The following PTPRT variants were observed in gnomAD, a reference collection of about 807,000 sequenced individuals.
PTPRT encodes the protein receptor-type tyrosine-protein phosphatase T.
Under a neutral mutation model 176.8 loss-of-function variants are expected in PTPRT, and 56 were observed. That is an observed-to-expected ratio of 0.32 (90% CI 0.26 to 0.40). The LOEUF is 0.40. PTPRT is among the 10% of genes least tolerant of loss of function. The pLI is 1.00. For missense variants in PTPRT, 1,540 were observed against 1,908.2 expected (o/e 0.81, Z 3.60); for synonymous variants, 783 against 739.0 (o/e 1.06, Z -0.96).
At chr20:42,908,601 T>A (rs139373930) in intron 1 of PTPRT, among the ~76,000 whole-genome samples, 82 of 152,320 alleles carry the variant, frequency 5.4e-4, no homozygotes, top group African/African-American at 1.9e-3. Context: ...TCTAGCAGGT[T>A]AATATTTATT....
At position 43,007,426 on chromosome 20, in the gene PTPRT, G is replaced by A. The variant is rs189721238; in HGVS notation, c.89-121494C>T. Among the ~76,000 whole-genome samples, 757 of 152,236 alleles carry A rather than the reference G, an allele frequency of 5.0e-3. 9 individuals are homozygous for A. The highest frequency in any genetic ancestry group is 0.017 in the African/African-American group (699 of 41,544). Reference sequence around the variant, plus strand: ...TCTTTAGCCATTTTTGCCTTCATGCGTTATTTATCATTTCACTTTCAATAA... The same window carrying A: ...TCTTTAGCCATTTTTGCCTTCATGCATTATTTATCATTTCACTTTCAATAA... On this transcript the variant is annotated intron_variant, in intron 1 of 30. Coordinates refer to ENST00000373187, the MANE Select transcript of PTPRT (RefSeq NM_007050.6).
In PTPRT at chr20:43,043,923, CTCTG is replaced by C. The variant is rs1986733676; in HGVS notation, c.88+145719_88+145722del. Among the ~76,000 whole-genome samples, 14 of 152,206 alleles carry C rather than the reference CTCTG, an allele frequency of 9.2e-5. No homozygotes were observed. The South Asian group carries it at 2.9e-3, about 32-fold the overall frequency. On this transcript the variant is annotated intron_variant, in intron 1 of 30. Coordinates refer to ENST00000373187, the MANE Select transcript of PTPRT (RefSeq NM_007050.6). ...CAGATTCAGCGCTTCTTTCTCCTTCCTCTGTCTGCTTATCCCACCACAGAGAACA... is the reference window on the plus strand; with the variant it reads ...CAGATTCAGCGCTTCTTTCTCCTTCCTCTGCTTATCCCACCACAGAGAACA...
chr20:42,329,017 A>T (rs2057925904), intron 11 of PTPRT, among the ~76,000 whole-genome samples: 1 of 152,044 alleles, frequency 6.6e-6, no homozygotes, highest in African/African-American at 2.4e-5. Context: ...ACCAGCAAAA[A>T]CCAGTTAGCA....
chr20:42,993,508 ATG>A lies in PTPRT; in HGVS notation c.89-107578_89-107577del, dbSNP rs1267426969. 3.5e-5 allele frequency among the ~76,000 whole-genome samples: 4 copies of A among 112,998 alleles called. 1 individual carries two copies. The highest frequency in any genetic ancestry group is 1.3e-4 in the African/African-American group (3 of 23,550). 74.1% of individuals were successfully genotyped at this position (112,998 alleles called of 152,430 possible). A position where few individuals can be genotyped will look rare whatever the true frequency, so the allele number is the denominator to read the frequency against. On this transcript the variant is annotated intron_variant, in intron 1 of 30. Coordinates refer to ENST00000373187, the MANE Select transcript of PTPRT (RefSeq NM_007050.6). ...TGTGTGTGTATATATATACACATAT[ATG>A]TGTGTGTATATATATACACATATAT... is the stretch of plus-strand genomic sequence containing the variant.
chr20:43,113,899 C>T (rs183989149), intron 1 of PTPRT, among the ~76,000 whole-genome samples: 1 of 152,290 alleles, frequency 6.6e-6, no homozygotes, highest in Non-Finnish European at 1.5e-5. Flanking sequence ...ACTGGAGCCA[C>T]TACAGTACAA....
chr20:43,124,921 T>C (rs1322869610), intron 1 of PTPRT, among the ~76,000 whole-genome samples: 1 of 152,138 alleles, frequency 6.6e-6, no homozygotes, highest in Non-Finnish European at 1.5e-5. Context: ...ATTTTTGAGA[T>C]AAGCATTGTC....
At position 42,645,771 on chromosome 20, in the gene PTPRT, T is replaced by TGTGA. The variant is rs1251498875; in HGVS notation, c.1153+32094_1153+32095insTCAC. 5.8e-4 allele frequency among the ~76,000 whole-genome samples: 65 copies of TGTGA among 112,386 alleles called. 1 individual carries two copies. Among genetic ancestry groups the TGTGA allele is most frequent in the African/African-American group, 2.2e-3 (62 of 28,540 alleles). The allele number at this position is 112,386 out of a possible 152,430, so 73.7% of individuals were successfully genotyped here. A position where few individuals can be genotyped will look rare whatever the true frequency, so the allele number is the denominator to read the frequency against. ...CAGATGGGATGTGTATTTATGTGTG[T>TGTGA]GTGTGTGTGTGTGTGTGTGTGTGTG... On this transcript the variant is annotated intron_variant, in intron 7 of 30. Transcript: ENST00000373187.
At chr20:43,165,976 G>C (rs1414569894) in intron 1 of PTPRT, among the ~76,000 whole-genome samples, 2 of 151,878 alleles carry the variant, frequency 1.3e-5, no homozygotes, top group African/African-American at 4.8e-5. Context: ...GATCACCTGA[G>C]GTCGGGAGTT....
intron 16 of PTPRT, among the ~76,000 whole-genome samples, chr20:42,183,921 T>C (rs1288569280): frequency 2.0e-5 from 3 of 152,262 alleles, no homozygotes; most frequent in Admixed American, 2.0e-4. Context: ...ACAATTACCA[T>C]GAGTCTGTCC....
At chr20:42,499,256 C>T (rs1302061124) in intron 7 of PTPRT, among the ~76,000 whole-genome samples, 1 of 151,496 alleles carries the variant, frequency 6.6e-6, no homozygotes, top group Non-Finnish European at 1.5e-5. Context: ...GCAAATGGTG[C>T]CATGTACAGT....
At chr20:42,665,482 T>C (rs1220049271) in intron 7 of PTPRT, among the ~76,000 whole-genome samples, 1 of 152,064 alleles carries the variant, frequency 6.6e-6, no homozygotes, top group East Asian at 1.9e-4. Flanking sequence ...GGAACACTTT[T>C]ACACTGTTGG....
chr20:42,625,277 A>G (rs1411165580), intron 7 of PTPRT, among the ~76,000 whole-genome samples: 1 of 152,198 alleles, frequency 6.6e-6, no homozygotes, highest in Non-Finnish European at 1.5e-5. Context: ...TATTATGCAT[A>G]AACCAGAGAT....
chr20:42,391,199 G>A (rs1163357457), intron 9 of PTPRT, among the ~76,000 whole-genome samples: 1 of 152,080 alleles, frequency 6.6e-6, no homozygotes, highest in Non-Finnish European at 1.5e-5. Context: ...GTGAGTTCTG[G>A]GCTTGCTTGT....
At chr20:43,158,384 G>A (rs899658164) in intron 1 of PTPRT, among the ~76,000 whole-genome samples, 8 of 152,288 alleles carry the variant, frequency 5.3e-5, no homozygotes, top group Middle Eastern at 3.4e-3. Flanking sequence ...GAAATGCCAC[G>A]CAGTTAAATA....
the PTPRT span, among the ~76,000 whole-genome samples, chr20:42,044,617 A>G: frequency 6.6e-6 from 1 of 152,382 alleles, no homozygotes; most frequent in African/African-American, 2.4e-5. Context: ...GGCATTTATA[A>G]GTAAAATAAT....
At chr20:43,135,363 T>C (rs903144885) in intron 1 of PTPRT, among the ~76,000 whole-genome samples, 1 of 152,190 alleles carries the variant, frequency 6.6e-6, no homozygotes, top group African/African-American at 2.4e-5. Flanking sequence ...TGACAGATGT[T>C]CATGATAGTA....
chr20:42,045,658 T>TC, the PTPRT span, among the ~76,000 whole-genome samples: 1 of 151,296 alleles, frequency 6.6e-6, no homozygotes, highest in Non-Finnish European at 1.5e-5. Flanking sequence ...GAAAGTCCTT[T>TC]TTTTTTTCTT....
intron 2 of PTPRT, among the ~76,000 whole-genome samples, chr20:42,869,598 A>T (rs2078809569): frequency 6.6e-6 from 1 of 152,238 alleles, no homozygotes; most frequent in Non-Finnish European, 1.5e-5. Flanking sequence ...TTGATTTCAC[A>T]GGCACACAGC....
At chr20:42,140,782 C>T (rs1988586640) in intron 18 of PTPRT, among the ~76,000 whole-genome samples, 1 of 152,132 alleles carries the variant, frequency 6.6e-6, no homozygotes, top group South Asian at 2.1e-4. Context: ...CCCAGTGAAT[C>T]CTGGTTAATA....
Sources: gnomAD v4.1 joint callset for allele counts (sites outside exome capture counted in the v4.1 genomes callset) on GRCh38, gnomAD v4.1.1 for gene constraint, MANE v1.5 for transcripts, NCBI Gene and HGNC (gene_info 2026-07-23, HGNC 2026-07-21) for gene names.